The following KIZ variants were observed in gnomAD, a reference collection of about 807,000 sequenced individuals.
KIZ encodes the protein centrosomal protein kizuna.
Under a neutral mutation model 79.6 loss-of-function variants are expected in KIZ, and 68 were observed. The ratio of observed to expected loss-of-function variants is 0.85; its 90% CI spans 0.70 to 1.05. KIZ has a LOEUF of 1.05. Ranked by LOEUF, KIZ falls within the 50% of genes least tolerant of loss-of-function variation. The pLI, the probability that KIZ is intolerant of heterozygous loss-of-function variation, is 0.00. For missense variants in KIZ, 797 were observed against 800.4 expected (o/e 1.00, Z 0.05); for synonymous variants, 280 against 281.8 (o/e 0.99, Z 0.06).
At chr20:21,226,625 C>T (rs748713665) in intron 9 of KIZ, among the ~76,000 whole-genome samples, 3 of 152,214 alleles carry the variant, frequency 2.0e-5, no homozygotes, top group Non-Finnish European at 4.4e-5. Context: ...GCAACTTTGA[C>T]GTCTGTGGTC....
chr20:21,150,088 T>C (rs1008032471), intron 4 of KIZ, among the ~76,000 whole-genome samples: 1 of 152,126 alleles, frequency 6.6e-6, no homozygotes, highest in Non-Finnish European at 1.5e-5. Flanking sequence ...CTCAGGGATA[T>C]CCCATTCAAG....
intron 7 of KIZ, among the ~76,000 whole-genome samples, chr20:21,206,532 C>A (rs1174735170): frequency 2.6e-5 from 4 of 152,122 alleles, no homozygotes; most frequent in Non-Finnish European, 2.9e-5. Flanking sequence ...CTGGGAAACC[C>A]AACACATGTT....
chr20:21,206,467 G>C (rs1044973991), intron 7 of KIZ, among the ~76,000 whole-genome samples: 9 of 152,106 alleles, frequency 5.9e-5, no homozygotes, highest in Non-Finnish European at 8.8e-5. Flanking sequence ...GATGGTACGA[G>C]TTGGGGGTGG....
chr20:21,170,700 A>C (rs1314886393), intron 6 of KIZ, among the ~76,000 whole-genome samples: 1 of 151,894 alleles, frequency 6.6e-6, no homozygotes, highest in African/African-American at 2.4e-5. Context: ...CAAATACTAG[A>C]TCTTATTCGT....
chr20:21,246,440 T>A, intron 12 of KIZ, 39 bp from the exon 13 acceptor site: 1 of 1,293,996 alleles, frequency 7.7e-7, no homozygotes, highest in Non-Finnish European at 1.1e-6. Flanking sequence ...TTAACCAGAA[T>A]GCAAAAATGT....
chr20:21,171,074 T>C (rs959430957), intron 6 of KIZ, among the ~76,000 whole-genome samples: 1 of 152,282 alleles, frequency 6.6e-6, no homozygotes, highest in Non-Finnish European at 1.5e-5. Context: ...ATGAGAGTTC[T>C]TGTTCTACAT....
chr20:21,153,585 G>A (rs1213967673), intron 4 of KIZ, among the ~76,000 whole-genome samples: 1 of 152,090 alleles, frequency 6.6e-6, no homozygotes, highest in Non-Finnish European at 1.5e-5. Context: ...AATCACAATG[G>A]CATACTGTAT....
At position 21,233,162 on chromosome 20, in the gene KIZ, C is replaced by T. The variant is rs55800034; in HGVS notation, c.1880+332C>T. Among the ~76,000 whole-genome samples the T allele has an allele frequency of 6.1e-3, 925 of 152,312 alleles. 4 individuals carry two copies. Among genetic ancestry groups the T allele is most frequent in the Non-Finnish European group, 0.011 (740 of 68,032 alleles). On this transcript the variant is annotated intron_variant, in intron 11 of 12. Transcript: ENST00000619189. ...CAGAAAAAGGGCAGAGAGAAAACAT[C>T]AGGCCTTAAAAGAAATAAAGTGGCA...
chr20:21,145,795 T>G, intron 4 of KIZ, 141 bp downstream of exon 4: 1 of 440,690 alleles, frequency 2.3e-6, no homozygotes, highest in African/African-American at 2.0e-5. Flanking sequence ...AGATTTTTGC[T>G]TACAGAATAT....
intron 6 of KIZ, among the ~76,000 whole-genome samples, chr20:21,164,691 C>T (rs1048018490): frequency 1.4e-5 from 2 of 147,216 alleles, no homozygotes; most frequent in African/African-American, 4.9e-5. Flanking sequence ...CAAGAATGTT[C>T]ATCCTGTCTC....
At chr20:21,136,868 A>G (rs1051238109) in intron 3 of KIZ, among the ~76,000 whole-genome samples, 2 of 152,140 alleles carry the variant, frequency 1.3e-5, no homozygotes, top group Non-Finnish European at 2.9e-5. Context: ...TGTTGTTCAT[A>G]ATTAGGATTA....
intron 6 of KIZ, among the ~76,000 whole-genome samples, chr20:21,174,088 A>C (rs2034335260): frequency 6.6e-6 from 1 of 152,142 alleles, no homozygotes; most frequent in Non-Finnish European, 1.5e-5. Context: ...GTTTCACATG[A>C]GGTTTAGAAA....
chr20:21,204,531 T>C (rs989831415), intron 6 of KIZ, among the ~76,000 whole-genome samples: 5 of 152,180 alleles, frequency 3.3e-5, no homozygotes, highest in African/African-American at 1.2e-4. Flanking sequence ...TTTCAGTCCA[T>C]TGCAGTCAGT....
At chr20:21,182,859 C>G (rs569916557) in intron 6 of KIZ, among the ~76,000 whole-genome samples, 97 of 151,988 alleles carry the variant, frequency 6.4e-4, no homozygotes, top group African/African-American at 2.1e-3. Context: ...TTCTCCTCTC[C>G]CCTCCCTCTC....
chr20:21,188,992 G>A (rs955706513), intron 6 of KIZ, among the ~76,000 whole-genome samples: 8 of 151,988 alleles, frequency 5.3e-5, no homozygotes, highest in Non-Finnish European at 1.2e-4. Flanking sequence ...ACAGGTGTGA[G>A]CCACCCCGCC....
intron 7 of KIZ, among the ~76,000 whole-genome samples, chr20:21,207,528 C>T (rs13039509): frequency 7.0e-6 from 1 of 142,000 alleles, no homozygotes; most frequent in South Asian, 2.3e-4. Context: ...CTCTCTTCTG[C>T]TCTTTCTCTC....
chr20:21,143,092 A>T lies in KIZ; in HGVS notation c.316-2473A>T, dbSNP rs574623589. 3.9e-5 allele frequency among the ~76,000 whole-genome samples: 6 copies of T among 152,288 alleles called. No individual in the cohort carries two copies. The East Asian group carries it at 5.8e-4, about 15-fold the overall frequency. Reference sequence around the variant, plus strand: ...CTTTGGTAAAAGTTCACGATCTAAGAGGAAGCACAGATATTGGAAAAAAAT... The same window carrying T: ...CTTTGGTAAAAGTTCACGATCTAAGTGGAAGCACAGATATTGGAAAAAAAT... On this transcript the variant is annotated intron_variant, in intron 3 of 12. Transcript: ENST00000619189.
chr20:21,229,869 C>T (rs1485575224), intron 10 of KIZ, among the ~76,000 whole-genome samples: 1 of 152,166 alleles, frequency 6.6e-6, no homozygotes, highest in Non-Finnish European at 1.5e-5. Flanking sequence ...AGCCACCATG[C>T]CCAGTGAGGA....
chr20:21,131,446 C>A (rs1161713856), intron 1 of KIZ, among the ~76,000 whole-genome samples: 1 of 152,096 alleles, frequency 6.6e-6, no homozygotes, highest in Non-Finnish European at 1.5e-5. Context: ...TAAGTGAGGC[C>A]AGGTTTACTT....
Sources: gnomAD v4.1 joint callset for allele counts (sites outside exome capture counted in the v4.1 genomes callset) on GRCh38, gnomAD v4.1.1 for gene constraint, MANE v1.5 for transcripts, NCBI Gene and HGNC (gene_info 2026-07-23, HGNC 2026-07-21) for gene names.